The following GRIA4 variants were observed in gnomAD, a reference collection of about 807,000 sequenced individuals.
The protein encoded by GRIA4 is glutamate ionotropic receptor AMPA type subunit 4.
In GRIA4, 34 loss-of-function variants were observed where a neutral mutation model predicts 104.0. That is an observed-to-expected ratio of 0.33 (90% confidence interval 0.25 to 0.44). GRIA4 has a LOEUF of 0.44. GRIA4 is among the 20% of genes least tolerant of loss of function. The pLI is 1.00. For synonymous variants in GRIA4, 386 were observed against 381.9 expected, an observed-to-expected ratio of 1.01 and a Z score of -0.13; for missense variants, 750 against 1,096.5, an observed-to-expected ratio of 0.68 and a Z score of 4.46.
intron 6 of GRIA4, among the ~76,000 whole-genome samples, chr11:105,896,878 C>T (rs1946669271): frequency 6.6e-6 from 1 of 151,956 alleles, no homozygotes; most frequent in Admixed American, 6.6e-5. Flanking sequence ...GCTTAAGTGG[C>T]TTTGGCTATT....
intron 3 of GRIA4, among the ~76,000 whole-genome samples, chr11:105,740,578 A>G (rs1365808812): frequency 6.6e-6 from 1 of 152,212 alleles, no homozygotes; most frequent in African/African-American, 2.4e-5. Context: ...GACGTAAATA[A>G]GCAATCAAAT....
chr11:105,615,915 T>C (rs1257158466), intron 3 of GRIA4, among the ~76,000 whole-genome samples: 1 of 151,800 alleles, frequency 6.6e-6, no homozygotes, highest in African/African-American at 2.4e-5. Context: ...TATATTTTAG[T>C]CATTTTGATT....
At chr11:105,779,894 ATC>A (rs936003029) in intron 4 of GRIA4, among the ~76,000 whole-genome samples, 1 of 152,176 alleles carries the variant, frequency 6.6e-6, no homozygotes, top group Non-Finnish European at 1.5e-5. Context: ...ATTATGAAAA[ATC>A]AGTCATTTCC....
At chr11:105,793,277 G>T (rs575593655) in intron 4 of GRIA4, among the ~76,000 whole-genome samples, 2 of 152,136 alleles carry the variant, frequency 1.3e-5, no homozygotes, top group South Asian at 2.1e-4. Flanking sequence ...CATTTCCCTT[G>T]GGTTTCAAAA....
chr11:105,790,170 A>G (rs1942152801), intron 4 of GRIA4, among the ~76,000 whole-genome samples: 1 of 152,200 alleles, frequency 6.6e-6, no homozygotes, highest in Non-Finnish European at 1.5e-5. Flanking sequence ...GGTAAGCACA[A>G]CAAGCTGGGT....
At chr11:105,923,840 T>C (rs926475321) in intron 11 of GRIA4, among the ~76,000 whole-genome samples, 2 of 152,182 alleles carry the variant, frequency 1.3e-5, no homozygotes, top group East Asian at 3.8e-4. Flanking sequence ...TTGGAAAATA[T>C]CGTCAAACAA....
Position 105,947,248 on chromosome 11 carries a change from C to G in GRIA4, c.2294+13279C>G, listed in dbSNP as rs1465426008. On this transcript the variant is annotated intron_variant, in intron 14 of 16. Coordinates refer to ENST00000282499, the MANE Select transcript of GRIA4 (RefSeq NM_000829.4). ...ATATAACCTAATTTTGACTTTCTCT[C>G]TCACTGACTTCTTTAATGAAAAGTA... Among the ~76,000 whole-genome samples the G allele has an allele frequency of 9.8e-5, 15 of 152,296 alleles. No homozygotes were observed. In the South Asian group the frequency reaches 3.1e-3, roughly 32 times the overall value.
chr11:105,727,916 A>C (rs1247503031), intron 3 of GRIA4, among the ~76,000 whole-genome samples: 2 of 152,228 alleles, frequency 1.3e-5, no homozygotes, highest in East Asian at 3.9e-4. Context: ...CAGCCACTGC[A>C]AAAACAAACC....
chr11:105,794,469 G>GTGTATATATA (rs1427661928), intron 4 of GRIA4, among the ~76,000 whole-genome samples: 6 of 40,772 alleles, frequency 1.5e-4, no homozygotes, highest in Admixed American at 3.1e-4. Context: ...GTGTGTATAT[G>GTGTATATATA]TATGTATATA....
At chr11:105,923,744 CT>C (rs1462781874) in intron 11 of GRIA4, among the ~76,000 whole-genome samples, 1 of 152,030 alleles carries the variant, frequency 6.6e-6, no homozygotes, top group Non-Finnish European at 1.5e-5. Context: ...TTTTCAAAAT[CT>C]TTTTTTAAAT....
chr11:105,947,048 A>G (rs1830955654), intron 14 of GRIA4, among the ~76,000 whole-genome samples: 2 of 152,236 alleles, frequency 1.3e-5, no homozygotes, highest in Non-Finnish European at 1.5e-5. Context: ...CAGGAACAAT[A>G]GTGGCTATGT....
At chr11:105,870,135 C>T (rs1000418850) in intron 5 of GRIA4, among the ~76,000 whole-genome samples, 2 of 151,412 alleles carry the variant, frequency 1.3e-5, no homozygotes, top group East Asian at 3.9e-4. Flanking sequence ...TTTAAAACCA[C>T]AGAACTCATG....
At chr11:105,890,978 T>C (rs1946433321) in intron 6 of GRIA4, among the ~76,000 whole-genome samples, 1 of 152,230 alleles carries the variant, frequency 6.6e-6, no homozygotes, top group Non-Finnish European at 1.5e-5. Context: ...GCGTATGATA[T>C]CGCAATAGGT....
chr11:105,865,348 G>A (rs954369562), intron 5 of GRIA4, among the ~76,000 whole-genome samples: 5 of 152,150 alleles, frequency 3.3e-5, no homozygotes, highest in South Asian at 2.1e-4. Context: ...TAAATCCAAT[G>A]AGCAATTTGG....
chr11:105,864,879 A>C (rs1483558329), intron 5 of GRIA4, among the ~76,000 whole-genome samples: 2 of 152,208 alleles, frequency 1.3e-5, no homozygotes, highest in Admixed American at 1.3e-4. Flanking sequence ...TCAAAAAAAA[A>C]AATTTCTAGA....
At chr11:105,719,745 G>T (rs920255214) in intron 3 of GRIA4, among the ~76,000 whole-genome samples, 1 of 151,094 alleles carries the variant, frequency 6.6e-6, no homozygotes, top group Non-Finnish European at 1.5e-5. Flanking sequence ...ACTCAGATGC[G>T]TTCAGGCTCT....
intron 5 of GRIA4, among the ~76,000 whole-genome samples, chr11:105,873,977 A>G (rs1358703939): frequency 1.3e-5 from 2 of 152,150 alleles, no homozygotes; most frequent in Non-Finnish European, 2.9e-5. Flanking sequence ...TGTTTTAGTC[A>G]TGAAGTCTTT....
chr11:105,971,944 C>G lies in GRIA4; in HGVS notation c.2325C>G (p.Leu775=). ...CTGTAAACCTTGCCGTTTTGAAACTCAGTGAGGCAGGCGTCTTAGACAAGC... is the reference window on the plus strand; with the variant it reads ...CTGTAAACCTTGCCGTTTTGAAACTGAGTGAGGCAGGCGTCTTAGACAAGC... ...RTPVNLAVLK[L]SEAGVLDKLK... The change falls in exon 15 of 17, where the codon CTC becomes CTG. Residue 775 remains leucine (L), a synonymous_variant. Transcript: ENST00000282499. 6.2e-7 allele frequency: 1 copy of G among 1,612,146 alleles called. No individual in the cohort carries two copies. The highest frequency in any genetic ancestry group is 1.1e-5 in the South Asian group (1 of 91,032).
Position 105,780,311 on chromosome 11 carries a change from C to T in GRIA4, c.487+27091C>T, listed in dbSNP as rs538267122. ...ATAGAAACATGAAATATGCCAAGGA[C>T]CCTGAGTATCTAATAATCTGATGAA... On this transcript the variant is annotated intron_variant, in intron 4 of 16. Transcript: ENST00000282499. Among the ~76,000 whole-genome samples the T allele has an allele frequency of 3.5e-4, 53 of 152,150 alleles. No homozygotes were observed. In the South Asian group the frequency reaches 6.2e-3, roughly 18 times the overall value.
Sources: allele counts gnomAD v4.1 joint callset (sites outside exome capture counted in the v4.1 genomes callset), GRCh38; gene constraint gnomAD v4.1.1; transcripts MANE v1.5; gene names NCBI Gene and HGNC (gene_info 2026-07-23, HGNC 2026-07-21).